ADAMTSL3: variants seen among roughly 807,000 people sequenced by gnomAD.
The protein encoded by ADAMTSL3 is ADAMTS like 3.
A neutral mutation model predicts 201.7 loss-of-function variants in ADAMTSL3; 128 were observed. The ratio of observed to expected loss-of-function variants is 0.63; its 90% confidence interval spans 0.55 to 0.73. The LOEUF is 0.73. Ranked by LOEUF, ADAMTSL3 falls within the 30% of genes least tolerant of loss-of-function variation. The pLI is 0.00. For synonymous variants in ADAMTSL3, 738 were observed against 748.4 expected (o/e 0.99, Z 0.23); for missense variants, 1,990 against 2,119.6 (o/e 0.94, Z 1.20).
At chr15:83,820,572 G>C (rs559832684) in intron 6 of ADAMTSL3, among the ~76,000 whole-genome samples, 19 of 152,322 alleles carry the variant, frequency 1.2e-4, no homozygotes, top group African/African-American at 3.8e-4. Context: ...GAGAACCGCT[G>C]TTTTGGAAGA....
chr15:83,668,375 A>G (rs1380486211), intron 2 of ADAMTSL3, among the ~76,000 whole-genome samples: 1 of 151,876 alleles, frequency 6.6e-6, no homozygotes, highest in African/African-American at 2.4e-5. Context: ...GTCTGTGGTC[A>G]ATCTGATATT....
At chr15:83,845,272 G>A (rs896834899) in intron 7 of ADAMTSL3, among the ~76,000 whole-genome samples, 27 of 152,244 alleles carry the variant, frequency 1.8e-4, no homozygotes, top group African/African-American at 4.8e-4. Flanking sequence ...CCACTAGTAA[G>A]CTTTGCAAGA....
Position 83,704,430 on chromosome 15 carries a change from G to A in ADAMTSL3, c.111G>A (p.Glu37=). Residue 37 remains glutamate, a synonymous_variant, in exon 3 of 30, where the codon GAG becomes GAA. Coordinates refer to ENST00000286744, the MANE Select transcript of ADAMTSL3 (RefSeq NM_207517.3). ...CTCCTGGAGCCTATTTCCTTCCCGAGTTTGCACTTTCTCCTCAGGGAAGTT... is the reference window on the plus strand; with the variant it reads ...CTCCTGGAGCCTATTTCCTTCCCGAATTTGCACTTTCTCCTCAGGGAAGTT... ...EKSPGAYFLP[E]FALSPQGSFL... 1 of 1,614,160 alleles carries A rather than the reference G, an allele frequency of 6.2e-7. No homozygotes were observed. The highest frequency in any genetic ancestry group is 2.2e-5 in the East Asian group (1 of 44,890).
At chr15:84,022,865 C>T (rs2068230859) in intron 26 of ADAMTSL3, among the ~76,000 whole-genome samples, 1 of 152,136 alleles carries the variant, frequency 6.6e-6, no homozygotes, top group Non-Finnish European at 1.5e-5. Flanking sequence ...GACTCAGAGG[C>T]TTTGTGCATA....
At chr15:84,017,269 C>A (rs1169115357) in intron 25 of ADAMTSL3, among the ~76,000 whole-genome samples, 3 of 152,134 alleles carry the variant, frequency 2.0e-5, no homozygotes, top group African/African-American at 2.4e-5. Flanking sequence ...AGCCACCCGC[C>A]ACCACGCCCG....
intron 2 of ADAMTSL3, 130 bp downstream of exon 2, chr15:83,655,960 C>G (rs1297834181): frequency 1.0e-6 from 1 of 967,016 alleles, no homozygotes; most frequent in African/African-American, 1.6e-5. Context: ...ACTTTCTTTC[C>G]TATCTCTAGC....
chr15:83,876,099 A>G (rs1356501532), intron 9 of ADAMTSL3, among the ~76,000 whole-genome samples: 1 of 152,146 alleles, frequency 6.6e-6, no homozygotes, highest in South Asian at 2.1e-4. Flanking sequence ...ACATTTTTCT[A>G]CGGAAGTATC....
intron 17 of ADAMTSL3, among the ~76,000 whole-genome samples, chr15:83,926,041 A>T (rs2066239678): frequency 1.3e-5 from 2 of 152,228 alleles, no homozygotes; most frequent in Non-Finnish European, 1.5e-5. Flanking sequence ...CACGAGGTAG[A>T]TGTTAAATAA....
At chr15:83,725,364 C>G (rs1321772388) in intron 3 of ADAMTSL3, among the ~76,000 whole-genome samples, 1 of 152,046 alleles carries the variant, frequency 6.6e-6, no homozygotes, top group African/African-American at 2.4e-5. Flanking sequence ...TCATCTCAGC[C>G]TCTTGAGTAG....
chr15:83,779,697 C>CAAAAAAAAAAAAAAAA (rs199855902), intron 4 of ADAMTSL3, among the ~76,000 whole-genome samples: 1 of 72,096 alleles, frequency 1.4e-5, no homozygotes, highest in African/African-American at 5.3e-5. Context: ...GACTCCATCT[C>CAAAAAAAAAAAAAAAA]AAAAAAAAAA....
intron 4 of ADAMTSL3, among the ~76,000 whole-genome samples, chr15:83,782,868 C>G (rs545394135): frequency 6.6e-6 from 1 of 150,414 alleles, no homozygotes; most frequent in South Asian, 2.1e-4. Flanking sequence ...TACCTCTGAA[C>G]TTAAAATAAA....
At chr15:83,993,578 T>C (rs377751538) in intron 23 of ADAMTSL3, among the ~76,000 whole-genome samples, 79 of 152,338 alleles carry the variant, frequency 5.2e-4, no homozygotes, top group African/African-American at 1.9e-3. Context: ...TCTTTTTTTA[T>C]AGCCAAACAT....
chr15:83,808,802 A>G (rs2063645150), intron 5 of ADAMTSL3, among the ~76,000 whole-genome samples: 1 of 152,194 alleles, frequency 6.6e-6, no homozygotes, highest in Non-Finnish European at 1.5e-5. Flanking sequence ...AGCCGTAAAA[A>G]GAAGGAAATG....
chr15:83,784,513 T>C (rs2063228552), intron 4 of ADAMTSL3, among the ~76,000 whole-genome samples: 1 of 152,228 alleles, frequency 6.6e-6, no homozygotes, highest in Non-Finnish European at 1.5e-5. Flanking sequence ...TATTCACTTA[T>C]TAACATACTA....
chr15:83,863,720 C>A (rs2064915408), intron 8 of ADAMTSL3, among the ~76,000 whole-genome samples: 1 of 152,056 alleles, frequency 6.6e-6, no homozygotes, highest in African/African-American at 2.4e-5. Flanking sequence ...GAAGCAAGAG[C>A]AAACACATTC....
At position 83,763,642 on chromosome 15, in the gene ADAMTSL3, C is replaced by T. The variant is rs542033316; in HGVS notation, c.190-9881C>T. ...GCCTCAGCCTCCTGAGTAGCTGGGA[C>T]TACAGGCGCCCACCACCATGCCTGG... is the stretch of plus-strand genomic sequence containing the variant. On this transcript the variant is annotated intron_variant, in intron 3 of 29. Transcript: ENST00000286744. Among the ~76,000 whole-genome samples the T allele has an allele frequency of 5.9e-5, 9 of 151,900 alleles. 1 individual carries two copies. The South Asian group carries it at 1.9e-3, about 32-fold the overall frequency.
At chr15:83,898,810 A>C (rs540791953) in intron 14 of ADAMTSL3, among the ~76,000 whole-genome samples, 1 of 152,148 alleles carries the variant, frequency 6.6e-6, no homozygotes, top group East Asian at 1.9e-4. Context: ...GGATGGTAAA[A>C]CTCTCTTTTG....
chr15:83,990,994 A>G, intron 22 of ADAMTSL3, 92 bp from the exon 23 acceptor site: 1 of 1,567,350 alleles, frequency 6.4e-7, no homozygotes, highest in Non-Finnish European at 8.7e-7. Flanking sequence ...TCCTGCCCTC[A>G]AAGGGCTCAA....
intron 6 of ADAMTSL3, among the ~76,000 whole-genome samples, chr15:83,829,362 C>A (rs1296888872): frequency 2.0e-5 from 3 of 152,134 alleles, no homozygotes; most frequent in Admixed American, 2.0e-4. Flanking sequence ...TCTGTGGGAT[C>A]GGTGGTGATA....
Sources: gnomAD v4.1 joint callset for allele counts (sites outside exome capture counted in the v4.1 genomes callset) on GRCh38, gnomAD v4.1.1 for gene constraint, MANE v1.5 for transcripts, NCBI Gene and HGNC (gene_info 2026-07-23, HGNC 2026-07-21) for gene names.